SLCO3A1: variants seen among roughly 807,000 people sequenced by gnomAD.
SLCO3A1 encodes the protein PGE1 transporter.
Under a neutral mutation model 63.1 loss-of-function variants are expected in SLCO3A1, and 27 were observed. That is an observed-to-expected ratio of 0.43 (90% confidence interval 0.32 to 0.59). The LOEUF (loss-of-function observed/expected upper bound fraction) is 0.59. Ranked by LOEUF, SLCO3A1 falls within the 20% of genes least tolerant of loss-of-function variation. The pLI, the probability that SLCO3A1 is intolerant of heterozygous loss-of-function variation, is 0.09. For missense variants in SLCO3A1, 773 were observed against 945.8 expected (o/e 0.82, Z 2.40); for synonymous variants, 473 against 409.9 (o/e 1.15, Z -1.86).
Position 91,971,394 on chromosome 15 carries a change from C to CAAAAAAAAAAAAAAAAAAAAA in SLCO3A1, c.646+54952_646+54953insAAAAAAAAAAAAAAAAAAAAA, listed in dbSNP as rs796386299. On this transcript the variant is annotated intron_variant, in intron 2 of 9. Coordinates refer to ENST00000318445, the MANE Select transcript of SLCO3A1 (RefSeq NM_013272.4). ...TGGGTGACAGAGCGAGACTCCATCT[C>CAAAAAAAAAAAAAAAAAAAAA]AAAAAAAAAAAAAAAAGCAACCTCT... Among the ~76,000 whole-genome samples, 198 of 39,340 alleles carry CAAAAAAAAAAAAAAAAAAAAA rather than the reference C, an allele frequency of 5.0e-3. 31 individuals are homozygous for CAAAAAAAAAAAAAAAAAAAAA. The highest frequency in any genetic ancestry group is 0.011 in the African/African-American group (129 of 11,800). 25.8% of individuals were successfully genotyped at this position (39,340 alleles called of 152,430 possible). A position where few individuals can be genotyped will look rare whatever the true frequency, so the allele number is the denominator to read the frequency against.
At position 92,126,369 on chromosome 15, in the gene SLCO3A1, C is replaced by T. The variant is rs74530950; in HGVS notation, c.1373+110C>T. Reference sequence around the variant, plus strand: ...TTGTTCCTAGTGACCTGAGGAGACGCATCACGGCTGCCTCTGCATCTTACT... The same window carrying T: ...TTGTTCCTAGTGACCTGAGGAGACGTATCACGGCTGCCTCTGCATCTTACT... On this transcript the variant is annotated intron_variant, in intron 6 of 9. Transcript: ENST00000318445. 8.2e-4 allele frequency: 682 copies of T among 831,296 alleles called. 2 individuals are homozygous for T. The African/African-American group carries it at 0.01, about 13-fold the overall frequency. 51.5% of individuals were successfully genotyped at this position (831,296 alleles called of 1,614,324 possible). A position where few individuals can be genotyped will look rare whatever the true frequency, so the allele number is the denominator to read the frequency against.
chr15:92,153,867 G>T (rs182756044), intron 9 of SLCO3A1, among the ~76,000 whole-genome samples: 36 of 152,326 alleles, frequency 2.4e-4, no homozygotes, highest in Admixed American at 7.2e-4. Flanking sequence ...GGAAAGGGGG[G>T]ACAGAAGAAG....
At chr15:92,122,106 A>C (rs2047869903) in intron 5 of SLCO3A1, among the ~76,000 whole-genome samples, 1 of 151,950 alleles carries the variant, frequency 6.6e-6, no homozygotes, top group African/African-American at 2.4e-5. Flanking sequence ...AGACTTGAGC[A>C]GGTTTCTCAG....
At chr15:92,151,169 G>C in intron 9 of SLCO3A1, 155 bp downstream of exon 9, 2 of 610,358 alleles carry the variant, frequency 3.3e-6, no homozygotes. Context: ...CAAAATTTTG[G>C]TCAGAGATAA....
intron 4 of SLCO3A1, among the ~76,000 whole-genome samples, chr15:92,120,076 AACACAC>A (rs138316241): frequency 1.3e-5 from 2 of 150,884 alleles, no homozygotes; most frequent in African/African-American, 4.9e-5. Flanking sequence ...ATTTTATATA[AACACAC>A]ACACACACAC....
At chr15:92,052,388 A>G (rs531447158) in intron 2 of SLCO3A1, among the ~76,000 whole-genome samples, 2 of 152,166 alleles carry the variant, frequency 1.3e-5, no homozygotes, top group Admixed American at 6.5e-5. Context: ...ATGAATGTTC[A>G]TTATTATGAC....
chr15:92,101,224 GT>G (rs2047601083), intron 3 of SLCO3A1, among the ~76,000 whole-genome samples: 1 of 152,114 alleles, frequency 6.6e-6, no homozygotes, highest in African/African-American at 2.4e-5. Context: ...AATTATATTT[GT>G]TAGCTGGGCA....
intron 2 of SLCO3A1, among the ~76,000 whole-genome samples, chr15:91,935,329 G>A (rs1899371852): frequency 6.6e-6 from 1 of 152,204 alleles, no homozygotes. Flanking sequence ...GAAGGAAAAT[G>A]GCAACACAAG....
rs1047883735 is a variant in SLCO3A1, at chr15:92,159,342, G to A, written c.1754-3414G>A. On this transcript the variant is annotated intron_variant, in intron 9 of 9. Transcript: ENST00000318445. The stretch of plus-strand genomic sequence containing the variant: ...TCTACTAAAAATACAAAAATTAGCC[G>A]GGCGTGGTGGCAGGCACCTGTAGTC... Among the ~76,000 whole-genome samples, 10 of 152,036 alleles carry A rather than the reference G, an allele frequency of 6.6e-5. No individual in the cohort carries two copies. In the East Asian group the frequency reaches 7.8e-4, roughly 12 times the overall value.
At chr15:91,938,911 G>A (rs4932591) in intron 2 of SLCO3A1, among the ~76,000 whole-genome samples, 2 of 151,932 alleles carry the variant, frequency 1.3e-5, no homozygotes, top group Non-Finnish European at 2.9e-5. Context: ...GGAGAAGTTG[G>A]GTAGGGAAGG....
chr15:92,103,879 A>G (rs1402231968), intron 3 of SLCO3A1, among the ~76,000 whole-genome samples: 2 of 152,120 alleles, frequency 1.3e-5, no homozygotes, highest in Non-Finnish European at 2.9e-5. Context: ...ATCTCGTGTG[A>G]GCTGCTTTTT....
Position 92,146,851 on chromosome 15 carries a change from C to T in SLCO3A1, c.1513-133C>T, listed in dbSNP as rs2048231346. 6 of 743,632 alleles carry T rather than the reference C, an allele frequency of 8.1e-6. No homozygotes were observed. In the East Asian group the frequency reaches 8.8e-5, roughly 11 times the overall value. 46.1% of individuals were successfully genotyped at this position (743,632 alleles called of 1,614,324 possible). A position where few individuals can be genotyped will look rare whatever the true frequency, so the allele number is the denominator to read the frequency against. ...GCCTCCTTAAAAAAGCTAACTAACT[C>T]GTTTATTCAGGCCTAATTAATGGAA... On this transcript the variant is annotated intron_variant, in intron 7 of 9. Transcript: ENST00000318445.
At chr15:92,042,967 G>T (rs962182632) in intron 2 of SLCO3A1, among the ~76,000 whole-genome samples, 6 of 152,146 alleles carry the variant, frequency 3.9e-5, no homozygotes, top group Non-Finnish European at 8.8e-5. Context: ...TAGAAGATAA[G>T]AGAGAGATTC....
intron 2 of SLCO3A1, among the ~76,000 whole-genome samples, chr15:91,932,534 C>T (rs1209781974): frequency 1.3e-5 from 2 of 152,084 alleles, no homozygotes; most frequent in African/African-American, 2.4e-5. Context: ...GAACCTCCAC[C>T]TCCCAGGTTC....
At position 92,126,135 on chromosome 15, in the gene SLCO3A1, G is replaced by A; in HGVS notation, c.1249G>A (p.Ala417Thr). Residue 417 changes from alanine to threonine, a missense_variant, in exon 6 of 10, where the codon GCC (alanine) becomes ACC (threonine). Transcript: ENST00000318445. ...TTTGGTGAAGAAGCTCAGCCTGTCT[G>A]CCCTGGGGGCCATTCGGATGGCCAT... ...GLLVKKLSLS[A>T]LGAIRMAMLV... 2 of 1,613,546 alleles carry A rather than the reference G, an allele frequency of 1.2e-6. No homozygotes were observed. Among genetic ancestry groups the A allele is most frequent in the Non-Finnish European group, 1.7e-6 (2 of 1,179,880 alleles).
chr15:92,051,205 A>C (rs965642466), intron 2 of SLCO3A1, among the ~76,000 whole-genome samples: 2 of 152,218 alleles, frequency 1.3e-5, no homozygotes, highest in Admixed American at 1.3e-4. Context: ...GCTTCAGGGC[A>C]GTGGTAACAT....
rs868064337 is a variant in SLCO3A1, at chr15:91,853,758, C to A, written c.-151C>A. 209 of 763,682 alleles carry A rather than the reference C, an allele frequency of 2.7e-4. No individual in the cohort carries two copies. Among genetic ancestry groups the A allele is most frequent in the Non-Finnish European group, 3.2e-4 (198 of 614,918 alleles). The allele number at this position is 763,682 out of a possible 1,614,324, so 47.3% of individuals were successfully genotyped here. A position where few individuals can be genotyped will look rare whatever the true frequency, so the allele number is the denominator to read the frequency against. On this transcript the variant is annotated 5_prime_UTR_variant, in exon 1 of 10. Transcript: ENST00000318445. ...CGAGGAGCTGTGCCTTCCACCTCTC[C>A]AGCCCCGGCAGGACGGGGGCGGCCG...
chr15:91,853,742 G>C lies in SLCO3A1; in HGVS notation c.-167G>C, dbSNP rs1478016209. 1 of 656,342 alleles carries C rather than the reference G, an allele frequency of 1.5e-6. No individual in the cohort carries two copies. Among genetic ancestry groups the C allele is most frequent in the Admixed American group, 5.8e-5 (1 of 17,302 alleles). 40.7% of individuals were successfully genotyped at this position (656,342 alleles called of 1,614,324 possible). ...GCGGCGGCGGCGGCGGCGAGGAGCT[G>C]TGCCTTCCACCTCTCCAGCCCCGGC... On this transcript the variant is annotated 5_prime_UTR_variant, in exon 1 of 10. Transcript: ENST00000318445.
At chr15:92,118,697 T>C (rs1454562856) in intron 4 of SLCO3A1, among the ~76,000 whole-genome samples, 1 of 152,302 alleles carries the variant, frequency 6.6e-6, no homozygotes, top group East Asian at 1.9e-4. Flanking sequence ...CCTGCCCACC[T>C]GTTTATTTTG....
Sources: allele counts gnomAD v4.1 joint callset (sites outside exome capture counted in the v4.1 genomes callset), GRCh38; gene constraint gnomAD v4.1.1; transcripts MANE v1.5; gene names NCBI Gene and HGNC (gene_info 2026-07-23, HGNC 2026-07-21).